The following TOX3 variants were observed in gnomAD, a reference collection of about 807,000 sequenced individuals.
TOX3 encodes the protein CAG trinucleotide repeat-containing gene F9 protein.
A neutral mutation model predicts 64.3 loss-of-function variants in TOX3; 22 were observed. That is an observed-to-expected ratio of 0.34 (90% CI 0.24 to 0.49). The LOEUF is 0.49. Among genes scored for constraint, TOX3 ranks in the 20% least tolerant of loss-of-function variants. The pLI is 0.99. For missense variants in TOX3, 661 were observed against 714.4 expected (o/e 0.93, Z 0.85); for synonymous variants, 291 against 273.6 (o/e 1.06, Z -0.63).
chr16:52,448,047 G>C (rs574674441), intron 4 of TOX3, among the ~76,000 whole-genome samples: 3 of 152,176 alleles, frequency 2.0e-5, no homozygotes, highest in South Asian at 4.2e-4. Context: ...GGATAACCAT[G>C]ATGTGCCCTA....
At chr16:52,525,320 G>A (rs1962706045) in intron 1 of TOX3, among the ~76,000 whole-genome samples, 1 of 152,074 alleles carries the variant, frequency 6.6e-6, no homozygotes, top group Non-Finnish European at 1.5e-5. Flanking sequence ...TACTGGAAAG[G>A]GAATGGAAGA....
intron 1 of TOX3, among the ~76,000 whole-genome samples, chr16:52,476,198 G>A (rs1596807500): frequency 6.6e-6 from 1 of 152,226 alleles, no homozygotes; most frequent in East Asian, 1.9e-4. Flanking sequence ...CTTGGATCAA[G>A]CAGGAACACA....
At chr16:52,507,736 T>G (rs2151469076) in intron 1 of TOX3, among the ~76,000 whole-genome samples, 1 of 152,306 alleles carries the variant, frequency 6.6e-6, no homozygotes, top group South Asian at 2.1e-4. Context: ...AATCCAGAAG[T>G]CAGATACTGA....
intron 3 of TOX3, among the ~76,000 whole-genome samples, chr16:52,462,645 C>T (rs1960726024): frequency 6.6e-6 from 1 of 152,080 alleles, no homozygotes. Flanking sequence ...TAAACACACC[C>T]ATTTTATTTT....
At position 52,464,033 on chromosome 16, in the gene TOX3, T is replaced by G. The variant is rs1287202468; in HGVS notation, c.309A>C (p.Thr103=). The G allele has an allele frequency of 6.2e-7, 1 of 1,601,446 alleles. No individual in the cohort carries two copies. The highest frequency in any genetic ancestry group is 1.3e-5 in the African/African-American group (1 of 74,514). The change falls in exon 3 of 7, where the codon ACA becomes ACC. Residue 103 remains threonine, a synonymous_variant. Coordinates refer to ENST00000219746, the MANE Select transcript of TOX3 (RefSeq NM_001080430.4). ...CCAGGCTTTGAGGGGGAAACTGGGG[T>G]GTGAATTCACTTCCCTGGGAAGGCA... is the stretch of plus-strand genomic sequence containing the variant. ...DPLPSQGSEF[T]PQFPPQSLDL... is the part of the protein sequence containing the mutation.
chr16:52,481,319 T>C (rs1282507690), intron 1 of TOX3, among the ~76,000 whole-genome samples: 1 of 152,198 alleles, frequency 6.6e-6, no homozygotes, highest in Non-Finnish European at 1.5e-5. Flanking sequence ...ACCCAGTTGC[T>C]TTTTTTGTTC....
intron 1 of TOX3, among the ~76,000 whole-genome samples, chr16:52,484,393 C>T (rs1474794275): frequency 6.6e-6 from 1 of 152,014 alleles, no homozygotes; most frequent in African/African-American, 2.4e-5. Context: ...CTATGCTTTC[C>T]AGGTGTTTTA....
At chr16:52,461,230 T>C (rs1394472445) in intron 3 of TOX3, among the ~76,000 whole-genome samples, 1 of 152,162 alleles carries the variant, frequency 6.6e-6, no homozygotes, top group African/African-American at 2.4e-5. Context: ...AACCAAAATA[T>C]ACTGTTGATT....
chr16:52,449,309 A>G (rs1012752847), intron 4 of TOX3, among the ~76,000 whole-genome samples: 2 of 152,110 alleles, frequency 1.3e-5, no homozygotes, highest in African/African-American at 4.8e-5. Flanking sequence ...CTCTTCCCCC[A>G]TATCGAACTT....
At chr16:52,463,892 C>T (rs1221335900) in intron 3 of TOX3, 42 bp downstream of exon 3, 2 of 1,482,974 alleles carry the variant, frequency 1.3e-6, no homozygotes, top group Admixed American at 2.4e-5. Context: ...ATGATTTGTG[C>T]AAATGATAAA....
intron 1 of TOX3, among the ~76,000 whole-genome samples, chr16:52,478,824 G>A (rs1301210697): frequency 6.6e-6 from 1 of 152,094 alleles, no homozygotes; most frequent in Admixed American, 6.6e-5. Flanking sequence ...AAGAAGAAGG[G>A]AGACAACACA....
intron 1 of TOX3, among the ~76,000 whole-genome samples, chr16:52,515,629 G>C (rs1163177445): frequency 6.6e-6 from 1 of 152,168 alleles, no homozygotes; most frequent in East Asian, 1.9e-4. Context: ...AAAGTTCTGA[G>C]AACACTGGAA....
At chr16:52,477,285 G>C (rs1961234533) in intron 1 of TOX3, among the ~76,000 whole-genome samples, 1 of 152,118 alleles carries the variant, frequency 6.6e-6, no homozygotes, top group Admixed American at 6.5e-5. Flanking sequence ...GCCAGGCTCT[G>C]GTGGGCCTTG....
chr16:52,530,511 A>G (rs576754398), intron 1 of TOX3, among the ~76,000 whole-genome samples: 1 of 152,010 alleles, frequency 6.6e-6, no homozygotes, highest in East Asian at 1.9e-4. Context: ...TACTTTTTAT[A>G]TTTGTAGTAG....
At chr16:52,440,082 C>G (rs374331504) in intron 6 of TOX3, 114 bp from the exon 7 acceptor site, 2 of 837,806 alleles carry the variant, frequency 2.4e-6, no homozygotes, top group African/African-American at 1.7e-5. Context: ...TTATTCATGC[C>G]CTCCTGTATG....
At chr16:52,538,790 C>CA in intron 1 of TOX3, among the ~76,000 whole-genome samples, 1 of 152,230 alleles carries the variant, frequency 6.6e-6, no homozygotes, top group East Asian at 1.9e-4. Flanking sequence ...GCATGTTTTA[C>CA]ACAAGCATGA....
At chr16:52,505,145 C>T (rs1299549596) in intron 1 of TOX3, among the ~76,000 whole-genome samples, 1 of 151,982 alleles carries the variant, frequency 6.6e-6, no homozygotes, top group Non-Finnish European at 1.5e-5. Flanking sequence ...AGAAGAGGGT[C>T]TTTTAAAGAA....
At chr16:52,543,356 A>T (rs1179679255) in intron 1 of TOX3, among the ~76,000 whole-genome samples, 1 of 152,192 alleles carries the variant, frequency 6.6e-6, no homozygotes, top group Non-Finnish European at 1.5e-5. Context: ...ATTTCCTTTG[A>T]CTGTCACATC....
intron 3 of TOX3, among the ~76,000 whole-genome samples, chr16:52,458,193 T>C (rs1257146778): frequency 1.3e-5 from 2 of 152,198 alleles, no homozygotes; most frequent in African/African-American, 2.4e-5. Context: ...TGTCCTTTTA[T>C]TAATTTATAT....
Sources: allele counts gnomAD v4.1 joint callset (sites outside exome capture counted in the v4.1 genomes callset), GRCh38; gene constraint gnomAD v4.1.1; transcripts MANE v1.5; gene names NCBI Gene and HGNC (gene_info 2026-07-23, HGNC 2026-07-21).